The following PAPPA variants were observed in gnomAD, a reference collection of about 807,000 sequenced individuals.
PAPPA encodes the protein pappalysin-1.
In PAPPA, 60 loss-of-function variants were observed where a neutral mutation model predicts 164.0. The observed-to-expected ratio is 0.37, with a 90% confidence interval of 0.30 to 0.45. The LOEUF (loss-of-function observed/expected upper bound fraction) is 0.45, where lower values mean the gene tolerates loss of function less well. Ranked by LOEUF, PAPPA falls within the 20% of genes least tolerant of loss-of-function variation. The probability of loss-of-function intolerance (pLI) is 1.00; values close to 1 mark genes in which losing one functional copy is unlikely to be tolerated. For synonymous variants in PAPPA, 875 were observed against 814.1 expected, an observed-to-expected ratio of 1.07 and a Z score of -1.27; for missense variants, 1,782 against 2,087.3, an observed-to-expected ratio of 0.85 and a Z score of 2.85.
chr9:116,325,866 C>T (rs968239169), intron 10 of PAPPA, among the ~76,000 whole-genome samples: 8 of 152,168 alleles, frequency 5.3e-5, no homozygotes, highest in Admixed American at 2.0e-4. Flanking sequence ...GAAAAATTTG[C>T]TTTTTCATAA....
At chr9:116,330,702 TTTCTC>T (rs1373170801) in intron 10 of PAPPA, among the ~76,000 whole-genome samples, 1 of 152,174 alleles carries the variant, frequency 6.6e-6, no homozygotes, top group African/African-American at 2.4e-5. Flanking sequence ...TTTTCAGTCT[TTTCTC>T]TGTTGTAATA....
rs1420393512 is a variant in PAPPA, at chr9:116,399,638, T to C, written c.*3022T>C. The stretch of plus-strand genomic sequence containing the variant: ...ATGAGGTGGACAGTCCTCTAAGCCC[T>C]ATTTAGGGAAGCTTTTCCAAGCCAC... On this transcript the variant is annotated 3_prime_UTR_variant, in exon 22 of 22. Transcript: ENST00000328252. The C allele has an allele frequency of 1.3e-5, 2 of 152,542 alleles. No homozygotes were observed. Among genetic ancestry groups the C allele is most frequent in the African/African-American group, 4.8e-5 (2 of 41,430 alleles). The allele number at this position is 152,542 out of a possible 1,614,324, so 9.4% of individuals were successfully genotyped here.
chr9:116,242,413 G>A (rs765992372), intron 7 of PAPPA, among the ~76,000 whole-genome samples: 1 of 152,164 alleles, frequency 6.6e-6, no homozygotes, highest in Non-Finnish European at 1.5e-5. Context: ...TGTCAGAAGG[G>A]CATACTCAAC....
chr9:116,356,018 A>G (rs976670779), intron 17 of PAPPA, among the ~76,000 whole-genome samples: 1 of 152,230 alleles, frequency 6.6e-6, no homozygotes, highest in African/African-American at 2.4e-5. Context: ...AGCATCTTGA[A>G]TCAGCTTGTA....
intron 3 of PAPPA, among the ~76,000 whole-genome samples, chr9:116,208,662 G>A (rs2079334523): frequency 6.6e-6 from 1 of 152,186 alleles, no homozygotes; most frequent in Non-Finnish European, 1.5e-5. Context: ...CCTCAGGCCT[G>A]CCTGGTCTCC....
At chr9:116,246,435 T>C (rs191479367) in intron 7 of PAPPA, among the ~76,000 whole-genome samples, 4 of 152,364 alleles carry the variant, frequency 2.6e-5, no homozygotes, top group Admixed American at 2.6e-4. Context: ...ATTTTTCTTA[T>C]TTAATCCTTT....
Position 116,235,190 on chromosome 9 carries a change from C to T in PAPPA, c.2285C>T (p.Pro762Leu). The T allele has an allele frequency of 6.2e-7, 1 of 1,614,138 alleles. No homozygotes were observed. The highest frequency in any genetic ancestry group is 8.5e-7 in the Non-Finnish European group (1 of 1,180,006). Residue 762 changes from proline (P) to leucine (L), a missense_variant, in exon 7 of 22, where the codon CCA becomes CTA. Around this residue, in one of 2 missense-constraint regions of PAPPA, gnomAD observed 1,324 missense variants for 1,656.9 expected, o/e 0.80. Transcript: ENST00000328252. ...PCKSSVRTWSPNSAVNPHTVP... is the reference protein window; with the variant it reads ...PCKSSVRTWSLNSAVNPHTVP... ...AAGTCCAGTGTCCGCACCTGGAGCC[C>T]AAATTCAGCTGTCAACCCACACACG...
chr9:116,313,339 G>A (rs1845746870), intron 10 of PAPPA, among the ~76,000 whole-genome samples: 2 of 152,148 alleles, frequency 1.3e-5, no homozygotes, highest in Admixed American at 6.5e-5. Context: ...TGTGCAGGTG[G>A]TGAAAGGGGA....
At chr9:116,341,315 C>G (rs1180770269) in intron 13 of PAPPA, among the ~76,000 whole-genome samples, 1 of 152,148 alleles carries the variant, frequency 6.6e-6, no homozygotes, top group African/African-American at 2.4e-5. Flanking sequence ...GCTGAGATTA[C>G]AGGTGTGAGC....
chr9:116,211,298 C>T (rs1214568578), intron 3 of PAPPA, among the ~76,000 whole-genome samples: 1 of 152,188 alleles, frequency 6.6e-6, no homozygotes, highest in African/African-American at 2.4e-5. Flanking sequence ...GGAAAGGTTG[C>T]AGCAGAAAGG....
intron 3 of PAPPA, 52 bp downstream of exon 3, chr9:116,207,653 C>G: frequency 4.4e-6 from 6 of 1,362,416 alleles, no homozygotes; most frequent in Non-Finnish European, 6.1e-6. Flanking sequence ...CAGTAATACA[C>G]TTAGTGCGAT....
At chr9:116,296,194 A>G (rs1845504278) in intron 9 of PAPPA, among the ~76,000 whole-genome samples, 2 of 152,252 alleles carry the variant, frequency 1.3e-5, no homozygotes, top group Admixed American at 1.3e-4. Flanking sequence ...AAGCTGATAA[A>G]TCTTTTAGAA....
At chr9:116,303,708 C>T (rs1845609501) in intron 10 of PAPPA, among the ~76,000 whole-genome samples, 1 of 152,158 alleles carries the variant, frequency 6.6e-6, no homozygotes, top group African/African-American at 2.4e-5. Context: ...GACCAGCCTG[C>T]CTCCTGGCCT....
chr9:116,236,959 CA>C (rs1269321376), intron 7 of PAPPA, among the ~76,000 whole-genome samples: 1 of 152,184 alleles, frequency 6.6e-6, no homozygotes. Flanking sequence ...TTTTAATCTA[CA>C]AAAAGGATAG....
rs1847027813 is a variant in PAPPA, at chr9:116,400,082, T to C, written c.*3466T>C. 6.6e-6 allele frequency: 1 copy of C among 152,498 alleles called. No individual in the cohort carries two copies. The highest frequency in any genetic ancestry group is 2.4e-5 in the African/African-American group (1 of 41,420). 9.4% of individuals were successfully genotyped at this position (152,498 alleles called of 1,614,324 possible). A position where few individuals can be genotyped will look rare whatever the true frequency, so the allele number is the denominator to read the frequency against. On this transcript the variant is annotated 3_prime_UTR_variant, in exon 22 of 22. Coordinates refer to ENST00000328252, the MANE Select transcript of PAPPA (RefSeq NM_002581.5). Reference sequence around the variant, plus strand: ...AAATTATAAGGTCAAGTTAACAGTTTTGAGGTTTTGTGTTTTTTTCTGGAA... The same window carrying C: ...AAATTATAAGGTCAAGTTAACAGTTCTGAGGTTTTGTGTTTTTTTCTGGAA...
intron 1 of PAPPA, among the ~76,000 whole-genome samples, chr9:116,171,184 A>G (rs1489915035): frequency 1.3e-5 from 2 of 152,148 alleles, no homozygotes; most frequent in Non-Finnish European, 2.9e-5. Flanking sequence ...GTGAGACCAG[A>G]GAAGGGAGCT....
At chr9:116,352,609 C>G in intron 15 of PAPPA, 97 bp from the exon 16 acceptor site, 1 of 928,398 alleles carries the variant, frequency 1.1e-6, no homozygotes, top group Admixed American at 1.8e-5. Flanking sequence ...AAGGGATCTC[C>G]TGGTTCTTCA....
chr9:116,252,914 T>C (rs1345670431), intron 7 of PAPPA, among the ~76,000 whole-genome samples: 1 of 152,232 alleles, frequency 6.6e-6, no homozygotes, highest in African/African-American at 2.4e-5. Context: ...ATCACTCACA[T>C]TTTTTGATAT....
chr9:116,279,419 A>G (rs1429834182), intron 9 of PAPPA, among the ~76,000 whole-genome samples: 1 of 152,078 alleles, frequency 6.6e-6, no homozygotes. Context: ...GCCTCAGACC[A>G]AGGCTTACCA....
Sources: allele counts gnomAD v4.1 joint callset (sites outside exome capture counted in the v4.1 genomes callset), GRCh38; gene constraint gnomAD v4.1.1; regional missense constraint gnomAD v4.1.1; transcripts MANE v1.5; gene names NCBI Gene and HGNC (gene_info 2026-07-23, HGNC 2026-07-21).